The following ARHGEF33 variants were observed in gnomAD, a reference collection of about 807,000 sequenced individuals.
ARHGEF33 encodes the protein DH and coiled-coil domain-containing protein ENSP00000381780.
Under a neutral mutation model 101.9 loss-of-function variants are expected in ARHGEF33, and 72 were observed. The observed-to-expected ratio is 0.71, with a 90% CI of 0.58 to 0.86. ARHGEF33 has a LOEUF of 0.86. Ranked by LOEUF, ARHGEF33 falls within the 40% of genes least tolerant of loss-of-function variation. ARHGEF33 has a pLI of 0.00. For missense variants in ARHGEF33, 1,169 were observed against 1,111.3 expected (o/e 1.05, Z -0.74); for synonymous variants, 499 against 442.5 (o/e 1.13, Z -1.60).
At chr2:38,969,947 T>G (rs1248483731) in intron 17 of ARHGEF33, among the ~76,000 whole-genome samples, 3 of 152,228 alleles carry the variant, frequency 2.0e-5, no homozygotes, top group Admixed American at 2.0e-4. Flanking sequence ...TACTTCATCT[T>G]AATATATACA....
chr2:38,915,007 C>T (rs1666601867), intron 2 of ARHGEF33, among the ~76,000 whole-genome samples: 1 of 151,384 alleles, frequency 6.6e-6, no homozygotes, highest in African/African-American at 2.4e-5. Context: ...AATAATGATC[C>T]TATGTTTATT....
intron 6 of ARHGEF33, 139 bp downstream of exon 6, chr2:38,929,969 T>C (rs1289205231): frequency 3.0e-6 from 2 of 670,132 alleles, no homozygotes; most frequent in Non-Finnish European, 4.8e-6. Context: ...ATGGAGGTTA[T>C]AGAATTATAA....
At chr2:38,921,335 T>C in intron 3 of ARHGEF33, 39 bp from the exon 4 acceptor site, 3 of 1,267,452 alleles carry the variant, frequency 2.4e-6, no homozygotes, top group Admixed American at 2.0e-5. Context: ...AGGGACAGAA[T>C]GAGTAGTGTT....
Position 38,966,099 on chromosome 2 carries a change from C to T in ARHGEF33, c.2437C>T (p.Gln813Ter). 1 of 1,551,648 alleles carries T rather than the reference C, an allele frequency of 6.4e-7. No individual in the cohort carries two copies. The highest frequency in any genetic ancestry group is 8.7e-7 in the Non-Finnish European group (1 of 1,146,966). ...SFSDQNPRQD[Q>*]KGGFRSSFRK... is the part of the protein sequence containing the mutation. ...CAGCGATCAAAATCCCAGGCAAGAC[C>T]AGAAGGGGGGCTTTCGCAGCTCCTT... Residue 813 changes from glutamine to a stop codon, truncating the protein, a stop_gained, in exon 17 of 18, where the codon CAG (glutamine) becomes TAG (stop). Transcript: ENST00000409978. LOFTEE classifies it high-confidence loss of function.
At chr2:38,940,792 A>T (rs1171110978) in intron 9 of ARHGEF33, among the ~76,000 whole-genome samples, 3 of 152,188 alleles carry the variant, frequency 2.0e-5, no homozygotes, top group Non-Finnish European at 2.9e-5. Flanking sequence ...AGAGTTTATT[A>T]CTCAAATCAA....
At chr2:38,972,717 A>C (rs2124435401) in intron 17 of ARHGEF33, among the ~76,000 whole-genome samples, 2 of 152,342 alleles carry the variant, frequency 1.3e-5, no homozygotes, top group Middle Eastern at 6.8e-3. Flanking sequence ...TGAGGACTCA[A>C]CAGTAGCAAA....
At chr2:38,891,698 T>C (rs1666008999) in intron 1 of ARHGEF33, among the ~76,000 whole-genome samples, 1 of 152,158 alleles carries the variant, frequency 6.6e-6, no homozygotes, top group Non-Finnish European at 1.5e-5. Context: ...TTGCTAATCT[T>C]CTCAAGGACA....
In ARHGEF33 at chr2:38,961,535, T is replaced by G. The variant is rs185487018; in HGVS notation, c.2343+887T>G. Among the ~76,000 whole-genome samples the G allele has an allele frequency of 2.9e-4, 44 of 152,338 alleles. 1 individual carries two copies. Among genetic ancestry groups the G allele is most frequent in the African/African-American group, 9.4e-4 (39 of 41,570 alleles). ...CATAAGTAACATGATAGTTCTGACCTGTGCGACCACCCTTCCGTTCCAACT... is the reference window on the plus strand; with the variant it reads ...CATAAGTAACATGATAGTTCTGACCGGTGCGACCACCCTTCCGTTCCAACT... On this transcript the variant is annotated intron_variant, in intron 16 of 17. Coordinates refer to ENST00000409978, the MANE Select transcript of ARHGEF33 (RefSeq NM_001145451.5).
At chr2:38,922,202 C>T (rs967157902) in intron 4 of ARHGEF33, among the ~76,000 whole-genome samples, 2 of 152,136 alleles carry the variant, frequency 1.3e-5, no homozygotes, top group Non-Finnish European at 2.9e-5. Context: ...GAAATCCATG[C>T]TTCTCTCCAG....
At chr2:38,896,496 A>C (rs911539732) in intron 2 of ARHGEF33, among the ~76,000 whole-genome samples, 3 of 152,194 alleles carry the variant, frequency 2.0e-5, no homozygotes, top group African/African-American at 2.4e-5. Flanking sequence ...AAAAATAGAC[A>C]ACATCTACTT....
chr2:38,915,518 G>C (rs116328613), intron 2 of ARHGEF33, among the ~76,000 whole-genome samples: 4 of 151,266 alleles, frequency 2.6e-5, no homozygotes. Flanking sequence ...ATTACAAGGC[G>C]TGTGCCACCA....
At chr2:38,955,869 G>C (rs1313250783) in intron 13 of ARHGEF33, among the ~76,000 whole-genome samples, 2 of 151,820 alleles carry the variant, frequency 1.3e-5, no homozygotes, top group Non-Finnish European at 2.9e-5. Flanking sequence ...TGGAGATGGG[G>C]TTTCACCGTG....
chr2:38,953,248 G>T lies in ARHGEF33; in HGVS notation c.1137+3G>T. 6.7e-7 allele frequency: 1 copy of T among 1,495,330 alleles called. No individual in the cohort carries two copies. Among genetic ancestry groups the T allele is most frequent in the East Asian group, 2.5e-5 (1 of 40,664 alleles). The allele number at this position is 1,495,330 out of a possible 1,614,324, so 92.6% of individuals were successfully genotyped here. A position where few individuals can be genotyped will look rare whatever the true frequency, so the allele number is the denominator to read the frequency against. ...TTCATGTTGTAGTCCTGAAAGAGGTGAGTTAACGCCATATATATGCTATCC... is the reference window on the plus strand; with the variant it reads ...TTCATGTTGTAGTCCTGAAAGAGGTTAGTTAACGCCATATATATGCTATCC... On this transcript the variant is annotated splice_donor_region_variant and intron_variant, in intron 12 of 17. Transcript: ENST00000409978.
chr2:38,947,005 C>A (rs1667468442), intron 10 of ARHGEF33, among the ~76,000 whole-genome samples: 1 of 152,148 alleles, frequency 6.6e-6, no homozygotes, highest in South Asian at 2.1e-4. Context: ...CGGCATTTTT[C>A]TCCATGCAAA....
chr2:38,929,440 G>A (rs1036028457), intron 5 of ARHGEF33, among the ~76,000 whole-genome samples: 1 of 151,352 alleles, frequency 6.6e-6, no homozygotes, highest in African/African-American at 2.4e-5. Flanking sequence ...AAAAAAAAAA[G>A]AAAGAAAACT....
intron 2 of ARHGEF33, among the ~76,000 whole-genome samples, chr2:38,897,035 C>T (rs766615374): frequency 6.6e-6 from 1 of 152,162 alleles, no homozygotes; most frequent in Non-Finnish European, 1.5e-5. Flanking sequence ...TCTGCCTCAG[C>T]GTCCCGAGTA....
chr2:38,964,923 A>G (rs377567370), intron 16 of ARHGEF33, among the ~76,000 whole-genome samples: 37 of 152,292 alleles, frequency 2.4e-4, no homozygotes, highest in East Asian at 1.7e-3. Flanking sequence ...TCCTGTAGTC[A>G]CAGGACCGCA....
intron 2 of ARHGEF33, 73 bp from the exon 3 acceptor site, chr2:38,919,290 C>T (rs1442912797): frequency 1.5e-6 from 1 of 662,122 alleles, no homozygotes; most frequent in Non-Finnish European, 2.6e-6. Flanking sequence ...AATTTTTTTA[C>T]TAATGTAAGA....
intron 10 of ARHGEF33, among the ~76,000 whole-genome samples, chr2:38,949,487 A>C (rs1037840124): frequency 1.3e-5 from 2 of 151,398 alleles, no homozygotes; most frequent in African/African-American, 4.9e-5. Context: ...ATGATTCTCT[A>C]TCTCTCCTCT....
Sources: allele counts gnomAD v4.1 joint callset (sites outside exome capture counted in the v4.1 genomes callset), GRCh38; gene constraint gnomAD v4.1.1; transcripts MANE v1.5; gene names NCBI Gene and HGNC (gene_info 2026-07-23, HGNC 2026-07-21).